Variants in CASK observed in about 807,000 individuals in gnomAD.
CASK encodes peripheral plasma membrane protein CASK.
A neutral mutation model predicts 82.9 loss-of-function variants in CASK; 4 were observed. That is an observed-to-expected ratio of 0.05 (90% CI 0.02 to 0.11). The LOEUF is 0.11. Ranked by LOEUF, CASK falls within the 10% of genes least tolerant of loss-of-function variation. CASK has a pLI of 1.00. For missense variants in CASK, 358 were observed against 720.9 expected, an observed-to-expected ratio of 0.50 and a Z score of 5.76; for synonymous variants, 259 against 253.5, an observed-to-expected ratio of 1.02 and a Z score of -0.20.
intron 14 of CASK, among the ~76,000 whole-genome samples, chrX:41,580,784 T>A (rs2065563809): frequency 8.9e-6 from 1 of 112,289 alleles, no homozygotes; most frequent in Non-Finnish European, 1.9e-5. Flanking sequence ...AACATTTTTC[T>A]TCAAATATGT....
At chrX:41,530,410 CTT>C (rs1194763349) in intron 25 of CASK, among the ~76,000 whole-genome samples, 1 of 112,176 alleles carries the variant, frequency 8.9e-6, no homozygotes, top group Non-Finnish European at 1.9e-5. Context: ...TCTTCCAAGT[CTT>C]TATCTCTCTC....
At chrX:41,847,589 C>A (rs2071182219) in intron 2 of CASK, among the ~76,000 whole-genome samples, 2 of 111,930 alleles carry the variant, frequency 1.8e-5, no homozygotes, top group Non-Finnish European at 3.8e-5. Context: ...GCTATATTTT[C>A]TTGTTTCTTT....
intron 26 of CASK, among the ~76,000 whole-genome samples, chrX:41,521,294 AC>A (rs2064633928): frequency 8.9e-6 from 1 of 112,323 alleles, no homozygotes; most frequent in Admixed American, 9.4e-5. Context: ...AATAAACAGC[AC>A]CTGGCATCTG....
intron 3 of CASK, among the ~76,000 whole-genome samples, chrX:41,783,593 A>G (rs2069526549): frequency 9.0e-6 from 1 of 110,803 alleles, no homozygotes. Flanking sequence ...TTAAAATTAG[A>G]AGGGATGTTA....
intron 5 of CASK, among the ~76,000 whole-genome samples, chrX:41,682,891 A>G (rs2067384770): frequency 9.0e-6 from 1 of 111,056 alleles, no homozygotes; most frequent in African/African-American, 3.3e-5. Context: ...GTGCAAATGC[A>G]GTTGGAATTA....
At chrX:41,639,932 G>A (rs904878576) in intron 8 of CASK, among the ~76,000 whole-genome samples, 1 of 111,904 alleles carries the variant, frequency 8.9e-6, no homozygotes, top group Non-Finnish European at 1.9e-5. Flanking sequence ...TTAACACTGA[G>A]TGGTATTCCA....
chrX:41,845,666 T>C (rs1342556606), intron 2 of CASK, among the ~76,000 whole-genome samples: 1 of 111,716 alleles, frequency 9.0e-6, no homozygotes, highest in East Asian at 2.8e-4. Context: ...TTTTCATCCA[T>C]GTTGCCAATC....
intron 3 of CASK, among the ~76,000 whole-genome samples, chrX:41,772,770 C>T (rs367668383): frequency 9.0e-6 from 1 of 111,045 alleles, no homozygotes; most frequent in South Asian, 3.8e-4. Flanking sequence ...GAGGCCGAGG[C>T]GGGCGGATCA....
chrX:41,585,745 C>CAAAAAA (rs749159010), intron 14 of CASK: 1 of 37,516 alleles, frequency 2.7e-5, no homozygotes, highest in Non-Finnish European at 5.2e-5. Context: ...AACTCCGTCT[C>CAAAAAA]AAAAAAAAAA....
rs2067258628 is a variant in CASK, at chrX:41,675,971, G to A, written c.430-4441C>T. ...GTTCAGAATCTCATAATAGAACACA[G>A]AGAAGTTAAGGGCCAGACCTGGTCT... On this transcript the variant is annotated intron_variant, in intron 5 of 26. Coordinates refer to ENST00000378163, the MANE Select transcript of CASK (RefSeq NM_001367721.1). 5 of 1,208,108 alleles carry A rather than the reference G, an allele frequency of 4.1e-6. No individual in the cohort carries two copies. In the East Asian group the frequency reaches 1.5e-4, roughly 36 times the overall value.
chrX:41,615,870 G>A (rs1264981552), intron 11 of CASK, among the ~76,000 whole-genome samples: 3 of 111,436 alleles, frequency 2.7e-5, no homozygotes, highest in Non-Finnish European at 5.6e-5. Context: ...CAAGTGATCC[G>A]CCTGCCTCAG....
chrX:41,802,484 T>C (rs1177017748), intron 2 of CASK, among the ~76,000 whole-genome samples: 1 of 112,133 alleles, frequency 8.9e-6, no homozygotes, highest in African/African-American at 3.2e-5. Context: ...GAGAAAAGGA[T>C]GTTATCTAAG....
chrX:41,563,289 C>T (rs765598951), intron 16 of CASK, among the ~76,000 whole-genome samples: 12 of 91,460 alleles, frequency 1.3e-4, no homozygotes, highest in African/African-American at 3.8e-4. Context: ...CCCAGGAGTT[C>T]GAGGTTGCAG....
At chrX:41,759,364 G>C (rs2068955608) in intron 3 of CASK, among the ~76,000 whole-genome samples, 1 of 111,811 alleles carries the variant, frequency 8.9e-6, no homozygotes, top group Non-Finnish European at 1.9e-5. Flanking sequence ...GTACTGCAGA[G>C]GAATGCCTGG....
At chrX:41,678,304 C>CT (rs1220251209) in intron 5 of CASK, among the ~76,000 whole-genome samples, 67 of 107,238 alleles carry the variant, frequency 6.2e-4, no homozygotes, top group South Asian at 1.6e-3. Flanking sequence ...CTTCCTTATG[C>CT]TTTTTTTTTT....
intron 5 of CASK, among the ~76,000 whole-genome samples, chrX:41,710,081 T>TTGTG (rs57963407): frequency 0.099 from 7,158 of 72,040 alleles, 350 homozygotes; most frequent in East Asian, 0.12. Context: ...GGTATAGATT[T>TTGTG]TGTGTGTGTG....
chrX:41,710,081 TTGTGTGTGTGTGTGTGTGTGTGTGTGTG>T (rs57963407), intron 5 of CASK, among the ~76,000 whole-genome samples: 3 of 72,181 alleles, frequency 4.2e-5, no homozygotes, highest in East Asian at 4.6e-4. Context: ...GGTATAGATT[TTGTGTGTGTGTGTGTGTGTGTGTGTGTG>T]TGTGTGTGTG....
At chrX:41,864,160 A>C (rs1053606516) in intron 1 of CASK, among the ~76,000 whole-genome samples, 10 of 111,889 alleles carry the variant, frequency 8.9e-5, no homozygotes, top group African/African-American at 3.3e-4. Context: ...TCTAAATTAA[A>C]TAAAATTAAA....
chrX:41,781,823 T>C (rs2069483527), intron 3 of CASK, among the ~76,000 whole-genome samples: 1 of 112,202 alleles, frequency 8.9e-6, no homozygotes, highest in Non-Finnish European at 1.9e-5. Flanking sequence ...GCAAGGCCAA[T>C]TGTTGAGGTG....
Sources: gnomAD v4.1 joint callset for allele counts (sites outside exome capture counted in the v4.1 genomes callset) on GRCh38, gnomAD v4.1.1 for gene constraint, MANE v1.5 for transcripts, NCBI Gene and HGNC (gene_info 2026-07-23, HGNC 2026-07-21) for gene names.